Variants in CDH7 observed in about 807,000 individuals in gnomAD.
CDH7 encodes cadherin 7, also known as cadherin-7.
In CDH7, 25 loss-of-function variants were observed where a neutral mutation model predicts 71.8. The observed-to-expected ratio is 0.35, with a 90% CI of 0.25 to 0.49. The LOEUF (loss-of-function observed/expected upper bound fraction) is 0.49. Ranked by LOEUF, CDH7 falls within the 20% of genes least tolerant of loss-of-function variation. The pLI is 0.99. For synonymous variants in CDH7, 381 were observed against 363.8 expected (o/e 1.05, Z -0.54); for missense variants, 862 against 974.6 (o/e 0.88, Z 1.54).
chr18:65,849,701 C>G (rs1486278042), intron 7 of CDH7, among the ~76,000 whole-genome samples: 1 of 151,884 alleles, frequency 6.6e-6, no homozygotes, highest in Non-Finnish European at 1.5e-5. Flanking sequence ...GTATGAGCCA[C>G]CACCCCCGGC....
chr18:65,781,163 A>G (rs1910170691), intron 2 of CDH7, among the ~76,000 whole-genome samples: 1 of 152,116 alleles, frequency 6.6e-6, no homozygotes, highest in African/African-American at 2.4e-5. Context: ...CTTAAATTCG[A>G]TTCTGTCTCA....
chr18:65,870,221 A>T (rs1475577300), intron 11 of CDH7, among the ~76,000 whole-genome samples: 1 of 152,170 alleles, frequency 6.6e-6, no homozygotes, highest in African/African-American at 2.4e-5. Flanking sequence ...CCAATTATGA[A>T]TCTTTAGTTA....
At chr18:65,825,331 A>G (rs1427283128) in intron 6 of CDH7, among the ~76,000 whole-genome samples, 3 of 151,922 alleles carry the variant, frequency 2.0e-5, no homozygotes, top group Non-Finnish European at 4.4e-5. Flanking sequence ...TTCGTACAAG[A>G]AAAGCATGAA....
chr18:65,869,545 A>AT (rs10696115), intron 11 of CDH7, among the ~76,000 whole-genome samples: 4,111 of 91,282 alleles, frequency 0.045, 483 homozygotes, highest in African/African-American at 0.16. Flanking sequence ...AAGTGGGTCA[A>AT]TTTTTTTTTT....
At chr18:65,788,287 C>A (rs1394253597) in intron 2 of CDH7, among the ~76,000 whole-genome samples, 1 of 152,126 alleles carries the variant, frequency 6.6e-6, no homozygotes, top group East Asian at 1.9e-4. Context: ...TGTCTAAAAT[C>A]ATCAATTAAG....
intron 4 of CDH7, among the ~76,000 whole-genome samples, chr18:65,819,244 T>G (rs1324452392): frequency 6.6e-6 from 1 of 152,190 alleles, no homozygotes; most frequent in Non-Finnish European, 1.5e-5. Context: ...TCAATCTGCA[T>G]TGACCCACTC....
At position 65,866,319 on chromosome 18, in the gene CDH7, AAAAAAAAAAAAC is replaced by A. The variant is rs1913755295; in HGVS notation, c.1864+3414_1864+3425del. The A allele has an allele frequency of 1.1e-4, 14 of 131,148 alleles. 3 individuals carry two copies. Among genetic ancestry groups the A allele is most frequent in the African/African-American group, 4.0e-4 (14 of 34,582 alleles). The allele number at this position is 131,148 out of a possible 1,614,324, so 8.1% of individuals were successfully genotyped here. On this transcript the variant is annotated intron_variant, in intron 11 of 11. Transcript: ENST00000397968. ...GTCTCAAAAAAAAAAAAAAAACAAA[AAAAAAAAAAAAC>A]AAAAAAAAAAAAAAAAAGAATGAAA...
intron 1 of CDH7, among the ~76,000 whole-genome samples, chr18:65,753,059 A>G (rs1568167368): frequency 6.6e-6 from 1 of 152,156 alleles, no homozygotes; most frequent in Non-Finnish European, 1.5e-5. Flanking sequence ...TTACCCTTGA[A>G]TTGACTCTAG....
rs923629016 is a variant in CDH7, at chr18:65,881,221, C to G, written c.*327C>G. The G allele has an allele frequency of 5.1e-6, 1 of 197,698 alleles. No homozygotes were observed. The highest frequency in any genetic ancestry group is 1.0e-5 in the Non-Finnish European group (1 of 96,420). 12.2% of individuals were successfully genotyped at this position (197,698 alleles called of 1,614,324 possible). A position where few individuals can be genotyped will look rare whatever the true frequency, so the allele number is the denominator to read the frequency against. The stretch of plus-strand genomic sequence containing the variant: ...ACCAAACCTCTATGAGAAAGTAGTG[C>G]CCTGTGTTGTCAGTGAGTCAAAGAT... On this transcript the variant is annotated 3_prime_UTR_variant, in exon 12 of 12. Coordinates refer to ENST00000397968, the MANE Select transcript of CDH7 (RefSeq NM_004361.5).
intron 11 of CDH7, among the ~76,000 whole-genome samples, chr18:65,870,537 G>A (rs2144053844): frequency 6.6e-6 from 1 of 152,012 alleles, no homozygotes; most frequent in East Asian, 1.9e-4. Flanking sequence ...ACAAAGCAAG[G>A]CATGTTTGGC....
intron 7 of CDH7, among the ~76,000 whole-genome samples, chr18:65,853,996 C>T (rs1430981613): frequency 7.9e-6 from 1 of 127,372 alleles, no homozygotes; most frequent in African/African-American, 2.9e-5. Flanking sequence ...TAGTTATTAA[C>T]AAATACACAC....
At chr18:65,772,451 G>A (rs1916572805) in intron 2 of CDH7, among the ~76,000 whole-genome samples, 1 of 152,110 alleles carries the variant, frequency 6.6e-6, no homozygotes, top group Admixed American at 6.6e-5. Flanking sequence ...CTGAATTTAG[G>A]TGGTTAACTG....
chr18:65,876,454 AG>A (rs1172658427), intron 11 of CDH7, among the ~76,000 whole-genome samples: 1 of 152,124 alleles, frequency 6.6e-6, no homozygotes, highest in East Asian at 1.9e-4. Context: ...TTGGACCTGT[AG>A]GGCCTGACTC....
intron 1 of CDH7, among the ~76,000 whole-genome samples, chr18:65,759,175 A>G (rs1353642433): frequency 1.3e-5 from 2 of 152,174 alleles, no homozygotes; most frequent in Non-Finnish European, 2.9e-5. Flanking sequence ...GTTGCATTTT[A>G]TAAGCAAGTC....
chr18:65,787,724 G>A (rs933735717), intron 2 of CDH7, among the ~76,000 whole-genome samples: 8 of 152,182 alleles, frequency 5.3e-5, no homozygotes, highest in Non-Finnish European at 8.8e-5. Flanking sequence ...GAGAGGAGCT[G>A]CTCTCAGTTT....
intron 6 of CDH7, among the ~76,000 whole-genome samples, chr18:65,830,127 C>T (rs1219573683): frequency 6.6e-6 from 1 of 152,084 alleles, no homozygotes; most frequent in Non-Finnish European, 1.5e-5. Context: ...ATGAGATAAC[C>T]TGCTAAATAC....
intron 2 of CDH7, among the ~76,000 whole-genome samples, chr18:65,779,117 G>A (rs996774831): frequency 6.7e-6 from 1 of 150,366 alleles, no homozygotes; most frequent in Non-Finnish European, 1.5e-5. Context: ...TTATTTTTTA[G>A]TAAATTTTGT....
At chr18:65,784,248 A>G (rs1486505705) in intron 2 of CDH7, among the ~76,000 whole-genome samples, 1 of 151,636 alleles carries the variant, frequency 6.6e-6, no homozygotes, top group East Asian at 1.9e-4. Flanking sequence ...TGCTTAGCTG[A>G]AAAGTTGTAA....
intron 2 of CDH7, among the ~76,000 whole-genome samples, chr18:65,764,883 A>G (rs1426913649): frequency 3.9e-5 from 6 of 152,078 alleles, no homozygotes; most frequent in Non-Finnish European, 2.9e-5. Context: ...TGCTTATTCC[A>G]TAAAACTCCT....
Sources: gnomAD v4.1 joint callset for allele counts (sites outside exome capture counted in the v4.1 genomes callset) on GRCh38, gnomAD v4.1.1 for gene constraint, MANE v1.5 for transcripts, NCBI Gene and HGNC (gene_info 2026-07-23, HGNC 2026-07-21) for gene names.